Variants in TPX2 observed in about 807,000 individuals in gnomAD.
TPX2 encodes the protein targeting protein for Xklp2.
Under a neutral mutation model 93.6 loss-of-function variants are expected in TPX2, and 21 were observed. The ratio of observed to expected loss-of-function variants is 0.22; its 90% CI spans 0.16 to 0.32. The LOEUF is 0.32. Ranked by LOEUF, TPX2 falls within the 10% of genes least tolerant of loss-of-function variation. TPX2 has a pLI of 1.00. For synonymous variants in TPX2, 281 were observed against 298.3 expected (o/e 0.94, Z 0.60); for missense variants, 776 against 871.1 (o/e 0.89, Z 1.37).
At chr20:31,774,442 AT>A (rs1269594435) in intron 7 of TPX2, among the ~76,000 whole-genome samples, 4 of 151,914 alleles carry the variant, frequency 2.6e-5, no homozygotes, top group South Asian at 4.1e-4. Context: ...TGGTAACCTT[AT>A]TTGCCTATAA....
chr20:31,768,617 C>G (rs761565261), intron 5 of TPX2, among the ~76,000 whole-genome samples: 1 of 152,104 alleles, frequency 6.6e-6, no homozygotes, highest in African/African-American at 2.4e-5. Context: ...TTGATAAATT[C>G]AGGCACATTT....
chr20:31,753,647 G>T (rs1179764263), intron 2 of TPX2, among the ~76,000 whole-genome samples: 1 of 152,208 alleles, frequency 6.6e-6, no homozygotes, highest in African/African-American at 2.4e-5. Flanking sequence ...AATTCTGGCT[G>T]CAGTGAGCAT....
In TPX2 at chr20:31,778,816, C is replaced by G; in HGVS notation, c.886C>G (p.Arg296Gly). The change falls in exon 10 of 18, where the codon CGA becomes GGA. Residue 296 changes from arginine (R) to glycine (G), a missense_variant. Coordinates refer to ENST00000300403, the MANE Select transcript of TPX2 (RefSeq NM_012112.5). The part of the protein sequence containing the change: ...ELRKHPSSPA[R>G]VTKGCTIVKP... Reference sequence around the variant, plus strand: ...GGAACAACTTTTCTCTTTACAGGCCCGAGTGACTAAGGGATGTACCATTGT... The same window carrying G: ...GGAACAACTTTTCTCTTTACAGGCCGGAGTGACTAAGGGATGTACCATTGT... The G allele has an allele frequency of 3.2e-6, 5 of 1,566,646 alleles. No individual in the cohort carries two copies. Among genetic ancestry groups the G allele is most frequent in the African/African-American group, 1.4e-5 (1 of 73,048 alleles).
intron 2 of TPX2, among the ~76,000 whole-genome samples, chr20:31,749,170 T>C (rs1026410897): frequency 6.6e-6 from 1 of 151,952 alleles, no homozygotes; most frequent in Non-Finnish European, 1.5e-5. Context: ...ATGGTCTCAA[T>C]CTCTTGACCT....
In TPX2 at chr20:31,779,000, G is replaced by A; in HGVS notation, c.1054+16G>A. 12 of 1,552,380 alleles carry A rather than the reference G, an allele frequency of 7.7e-6. No individual in the cohort carries two copies. The highest frequency in any genetic ancestry group is 1.0e-5 in the Non-Finnish European group (12 of 1,153,632). On this transcript the variant is annotated intron_variant, in intron 10 of 17. Transcript: ENST00000300403. ...GATGATATTAGTAAGTTTCCTACCA[G>A]TATCACAGTTGGATGGAACCTCTCC...
At chr20:31,745,178 CAG>C (rs1284469429) in intron 2 of TPX2, among the ~76,000 whole-genome samples, 1 of 152,182 alleles carries the variant, frequency 6.6e-6, no homozygotes, top group Non-Finnish European at 1.5e-5. Context: ...TTACCTAAAA[CAG>C]TATATATTCA....
At chr20:31,778,671 T>C in intron 9 of TPX2, 142 bp from the exon 10 acceptor site, 1 of 721,930 alleles carries the variant, frequency 1.4e-6, no homozygotes, top group Non-Finnish European at 2.2e-6. Context: ...TAACCCTTGC[T>C]CAAGGACTGA....
chr20:31,787,828 T>C (rs935647772), intron 12 of TPX2, among the ~76,000 whole-genome samples: 1 of 152,186 alleles, frequency 6.6e-6, no homozygotes, highest in Non-Finnish European at 1.5e-5. Context: ...TGACTTTGAG[T>C]TCTGTCCTTT....
At chr20:31,797,946 C>T (rs2062148101) in intron 16 of TPX2, among the ~76,000 whole-genome samples, 1 of 152,124 alleles carries the variant, frequency 6.6e-6, no homozygotes, top group Non-Finnish European at 1.5e-5. Context: ...CCTGTAGTCC[C>T]AGCACTTTGG....
intron 17 of TPX2, among the ~76,000 whole-genome samples, chr20:31,800,481 A>G (rs2062164172): frequency 6.6e-6 from 1 of 152,208 alleles, no homozygotes; most frequent in Admixed American, 6.5e-5. Context: ...ACCCTAAAGG[A>G]TGGATGGGAC....
At chr20:31,766,795 CTTTTTT>C (rs11299452) in intron 5 of TPX2, 113 bp downstream of exon 5, 248 of 450,494 alleles carry the variant, frequency 5.5e-4, no homozygotes, top group African/African-American at 1.7e-3. Flanking sequence ...CTTTATGTTA[CTTTTTT>C]TTTTTTTTTT....
chr20:31,758,305 A>T (rs2061864357), intron 3 of TPX2, among the ~76,000 whole-genome samples: 1 of 151,986 alleles, frequency 6.6e-6, no homozygotes, highest in South Asian at 2.1e-4. Flanking sequence ...TTTTTAGTAG[A>T]GACAGTGTTT....
At chr20:31,739,655 G>A (rs2061742609) in intron 1 of TPX2, 34 bp downstream of exon 1, 1 of 152,224 alleles carries the variant, frequency 6.6e-6, no homozygotes, top group Admixed American at 6.5e-5. Context: ...CATGCTAACA[G>A]GTTATAAACA....
At chr20:31,776,441 A>G (rs6058461) in intron 8 of TPX2, among the ~76,000 whole-genome samples, 13,347 of 152,170 alleles carry the variant, frequency 0.088, 658 homozygotes, top group African/African-American at 0.14. Flanking sequence ...TAGTCAGCAT[A>G]AAAAAGATGT....
chr20:31,762,551 T>C (rs2061896535), intron 4 of TPX2, among the ~76,000 whole-genome samples: 1 of 152,118 alleles, frequency 6.6e-6, no homozygotes, highest in Non-Finnish European at 1.5e-5. Context: ...GGTTTCGTGA[T>C]GTCGGTCAGG....
In TPX2 at chr20:31,779,652, G is replaced by A. The variant is rs2062021497; in HGVS notation, c.1054+668G>A. 2.6e-5 allele frequency among the ~76,000 whole-genome samples: 4 copies of A among 152,192 alleles called. No individual in the cohort carries two copies. In the South Asian group the frequency reaches 8.3e-4, roughly 32 times the overall value. Reference sequence around the variant, plus strand: ...CAAGAGTCAAAGGAGGTGGGAGATAGGGAGAGCATGTCTGAATGTTGAGAA... The same window carrying A: ...CAAGAGTCAAAGGAGGTGGGAGATAAGGAGAGCATGTCTGAATGTTGAGAA... On this transcript the variant is annotated intron_variant, in intron 10 of 17. Coordinates refer to ENST00000300403, the MANE Select transcript of TPX2 (RefSeq NM_012112.5).
intron 5 of TPX2, among the ~76,000 whole-genome samples, chr20:31,766,948 C>T (rs1011504229): frequency 2.0e-5 from 3 of 151,730 alleles, no homozygotes; most frequent in African/African-American, 7.3e-5. Context: ...ATTATAGGCA[C>T]CTGCCACCAC....
intron 1 of TPX2, among the ~76,000 whole-genome samples, chr20:31,741,919 A>G (rs2061755645): frequency 6.6e-6 from 1 of 151,978 alleles, no homozygotes; most frequent in South Asian, 2.1e-4. Context: ...CTGGCCTTAG[A>G]GAGATTTCAT....
At chr20:31,752,991 T>A (rs990716366) in intron 2 of TPX2, among the ~76,000 whole-genome samples, 2 of 152,120 alleles carry the variant, frequency 1.3e-5, no homozygotes, top group African/African-American at 4.8e-5. Flanking sequence ...GGCACACAGC[T>A]TATGGCCCCT....
Sources: gnomAD v4.1 joint callset for allele counts (sites outside exome capture counted in the v4.1 genomes callset) on GRCh38, gnomAD v4.1.1 for gene constraint, MANE v1.5 for transcripts, NCBI Gene and HGNC (gene_info 2026-07-23, HGNC 2026-07-21) for gene names.